Variants in PTPN13 observed in about 807,000 individuals in gnomAD.
PTPN13 encodes the protein protein tyrosine phosphatase non-receptor type 13, also known as tyrosine-protein phosphatase non-receptor type 13.
In PTPN13, 191 loss-of-function variants were observed where a neutral mutation model predicts 284.0. That is an observed-to-expected ratio of 0.67 (90% CI 0.60 to 0.76). PTPN13 has a LOEUF of 0.76. PTPN13 is among the 30% of genes least tolerant of loss of function. The pLI, the probability that PTPN13 is intolerant of heterozygous loss-of-function variation, is 0.00. For synonymous variants in PTPN13, 986 were observed against 1,022.3 expected, an observed-to-expected ratio of 0.96 and a Z score of 0.68; for missense variants, 2,797 against 2,939.9, an observed-to-expected ratio of 0.95 and a Z score of 1.12.
chr4:86,755,227 T>TA (rs1377984946), intron 20 of PTPN13, among the ~76,000 whole-genome samples: 1 of 152,048 alleles, frequency 6.6e-6, no homozygotes, highest in Non-Finnish European at 1.5e-5. Flanking sequence ...CAGAGATTCT[T>TA]AAAGAATGTG....
intron 40 of PTPN13, among the ~76,000 whole-genome samples, chr4:86,792,099 A>G (rs951260634): frequency 3.3e-5 from 5 of 152,160 alleles, no homozygotes; most frequent in Middle Eastern, 3.2e-3. Context: ...CAAGAAAGCT[A>G]AAAACCTTGA....
chr4:86,641,253 G>A (rs960474287), intron 2 of PTPN13, among the ~76,000 whole-genome samples: 13 of 151,926 alleles, frequency 8.6e-5, no homozygotes, highest in Non-Finnish European at 1.6e-4. Flanking sequence ...TGGGAGTGGC[G>A]GGGGGAAAAT....
chr4:86,783,889 ATTG>A (rs1741613074), intron 37 of PTPN13, among the ~76,000 whole-genome samples: 1 of 151,862 alleles, frequency 6.6e-6, no homozygotes, highest in Admixed American at 6.6e-5. Context: ...TAATTATTCT[ATTG>A]TTATGAATTC....
intron 10 of PTPN13, 108 bp from the exon 11 acceptor site, chr4:86,732,292 G>A: frequency 2.2e-6 from 2 of 925,250 alleles, no homozygotes; most frequent in South Asian, 1.8e-5. Flanking sequence ...CTAATGTGGT[G>A]ATTTTGTAGT....
chr4:86,674,611 T>G (rs1361216556), intron 3 of PTPN13, among the ~76,000 whole-genome samples: 1 of 152,170 alleles, frequency 6.6e-6, no homozygotes, highest in East Asian at 1.9e-4. Context: ...ATGAGCTACT[T>G]AAGAATTTTG....
intron 15 of PTPN13, among the ~76,000 whole-genome samples, chr4:86,736,728 GCAGA>G (rs1735562753): frequency 6.6e-6 from 1 of 152,190 alleles, no homozygotes; most frequent in Non-Finnish European, 1.5e-5. Flanking sequence ...ATGAGGATTT[GCAGA>G]CAGACAGTCT....
chr4:86,667,151 T>C (rs1266508963), intron 2 of PTPN13, among the ~76,000 whole-genome samples: 1 of 152,212 alleles, frequency 6.6e-6, no homozygotes, highest in Non-Finnish European at 1.5e-5. Context: ...TCTAGGTGAG[T>C]TTAGGGATTT....
Position 86,799,825 on chromosome 4 carries a change from C to CTTTT in PTPN13, c.6505+646_6505+649dup, listed in dbSNP as rs925434357. 1.4e-4 allele frequency among the ~76,000 whole-genome samples: 12 copies of CTTTT among 83,232 alleles called. 1 individual carries two copies. Among genetic ancestry groups the CTTTT allele is most frequent in the East Asian group, 4.8e-4 (1 of 2,096 alleles). The allele number at this position is 83,232 out of a possible 152,430, so 54.6% of individuals were successfully genotyped here. ...TTCTGGAAGGAGAAGTCAAGGGGCA[C>CTTTT]TTTTTTTTTTTTTTTTTTTTTTTTT... On this transcript the variant is annotated intron_variant, in intron 42 of 47. Coordinates refer to ENST00000411767, the MANE Select transcript of PTPN13 (RefSeq NM_080683.3).
At position 86,693,776 on chromosome 4, in the gene PTPN13, A is replaced by G; in HGVS notation, c.634+102A>G. ...GCTTTGAAATCTGGTAATTGAGACT[A>G]TGATTAGAACGTAAACGTACAAACT... On this transcript the variant is annotated intron_variant, in intron 6 of 47. Transcript: ENST00000411767. 4.0e-6 allele frequency: 3 copies of G among 740,916 alleles called. No homozygotes were observed. The South Asian group carries it at 9.0e-5, about 22-fold the overall frequency. The allele number at this position is 740,916 out of a possible 1,614,324, so 45.9% of individuals were successfully genotyped here.
chr4:86,600,059 G>A (rs1339699002), intron 1 of PTPN13, among the ~76,000 whole-genome samples: 3 of 152,134 alleles, frequency 2.0e-5, no homozygotes, highest in Non-Finnish European at 4.4e-5. Context: ...ATCAAATGAT[G>A]TGATTGAGCT....
At chr4:86,617,471 A>G (rs1277789655) in intron 1 of PTPN13, among the ~76,000 whole-genome samples, 1 of 152,174 alleles carries the variant, frequency 6.6e-6, no homozygotes, top group African/African-American at 2.4e-5. Context: ...CATGTGCACA[A>G]TGTGCAGGTT....
Position 86,770,038 on chromosome 4 carries a change from T to G in PTPN13, c.4704+55T>G, listed in dbSNP as rs1554338364. On this transcript the variant is annotated intron_variant, in intron 29 of 47. Coordinates refer to ENST00000411767, the MANE Select transcript of PTPN13 (RefSeq NM_080683.3). ...TTTTAATGATGAGATGGATTGGCCT[T>G]TCAGAATGGTTTCATAATGCTGGTT... The G allele has an allele frequency of 1.7e-5, 27 of 1,611,744 alleles. No individual in the cohort carries two copies. The South Asian group carries it at 3.0e-4, about 18-fold the overall frequency.
At chr4:86,680,836 G>A (rs76691124) in intron 3 of PTPN13, among the ~76,000 whole-genome samples, 7,605 of 152,200 alleles carry the variant, frequency 0.05, 262 homozygotes, top group African/African-American at 0.073. Flanking sequence ...TTCTTTGCAT[G>A]GCAATGCCTT....
In PTPN13 at chr4:86,648,760, G is replaced by A. The variant is rs545540102; in HGVS notation, c.115+13389G>A. Among the ~76,000 whole-genome samples, 6 of 152,212 alleles carry A rather than the reference G, an allele frequency of 3.9e-5. No homozygotes were observed. In the East Asian group the frequency reaches 5.8e-4, roughly 15 times the overall value. The stretch of plus-strand genomic sequence containing the variant: ...ATAGATACCTAGCAGTGGGATTGCT[G>A]AATCATATGGTAGTTCCATTTTTAT... On this transcript the variant is annotated intron_variant, in intron 2 of 47. Coordinates refer to ENST00000411767, the MANE Select transcript of PTPN13 (RefSeq NM_080683.3).
chr4:86,653,214 A>T (rs1725307654), intron 2 of PTPN13, among the ~76,000 whole-genome samples: 1 of 152,156 alleles, frequency 6.6e-6, no homozygotes, highest in African/African-American at 2.4e-5. Context: ...TGAAAGGAAT[A>T]CCTTCATCAC....
chr4:86,633,680 G>C (rs538610670), intron 1 of PTPN13, among the ~76,000 whole-genome samples: 1 of 152,264 alleles, frequency 6.6e-6, no homozygotes, highest in South Asian at 2.1e-4. Flanking sequence ...CTTCACACAA[G>C]TCATGTTGGT....
At chr4:86,740,840 C>T (rs1298170973) in intron 15 of PTPN13, among the ~76,000 whole-genome samples, 1 of 151,960 alleles carries the variant, frequency 6.6e-6, no homozygotes, top group Non-Finnish European at 1.5e-5. Flanking sequence ...ACAAGATACC[C>T]TAAATCATCT....
intron 7 of PTPN13, among the ~76,000 whole-genome samples, 156 bp from the exon 8 acceptor site, chr4:86,716,374 A>G (rs1733018930): frequency 6.6e-6 from 1 of 152,184 alleles, no homozygotes; most frequent in South Asian, 2.1e-4. Flanking sequence ...TACTAAACCC[A>G]TTATTGGAAC....
intron 1 of PTPN13, among the ~76,000 whole-genome samples, chr4:86,615,753 A>T (rs975187507): frequency 6.6e-6 from 1 of 152,130 alleles, no homozygotes. Context: ...ATTTTAACTC[A>T]TTGGTCTCAG....
Sources: gnomAD v4.1 joint callset for allele counts (sites outside exome capture counted in the v4.1 genomes callset) on GRCh38, gnomAD v4.1.1 for gene constraint, MANE v1.5 for transcripts, NCBI Gene and HGNC (gene_info 2026-07-23, HGNC 2026-07-21) for gene names.